Variants in CELF2 observed in about 807,000 individuals in gnomAD.
The protein encoded by CELF2 is CUGBP Elav-like family member 2.
In CELF2, 8 loss-of-function variants were observed where a neutral mutation model predicts 62.6. That is an observed-to-expected ratio of 0.13 (90% CI 0.07 to 0.23). The LOEUF is 0.23. Among genes scored for constraint, CELF2 ranks in the 10% least tolerant of loss-of-function variants. The pLI is 1.00. For missense variants in CELF2, 333 were observed against 671.0 expected, an observed-to-expected ratio of 0.50 and a Z score of 5.56; for synonymous variants, 258 against 250.0, an observed-to-expected ratio of 1.03 and a Z score of -0.30.
intron 2 of CELF2, among the ~76,000 whole-genome samples, chr10:11,168,742 C>CA (rs1395191821): frequency 6.6e-6 from 1 of 152,176 alleles, no homozygotes; most frequent in Non-Finnish European, 1.5e-5. Context: ...TTTTCCCCCT[C>CA]ACTTTCCATT....
rs869213973 is a variant in CELF2, at chr10:11,211,813, A to AGTGTGTGTGTGT, written c.272-5581_272-5570dup. On this transcript the variant is annotated intron_variant, in intron 2 of 12. Coordinates refer to ENST00000633077, the MANE Select transcript of CELF2 (RefSeq NM_001326342.2). This position sits in a 1 kb window ranked among gnomAD's most constrained non-coding sequence, Gnocchi z 4.8. ...GTGTGAGAGAGAGAGAGAGAGAGAG[A>AGTGTGTGTGTGT]GTGTGTGTGTGTGTGTGTGTGTGTG... 1.1e-5 allele frequency among the ~76,000 whole-genome samples: 1 copy of AGTGTGTGTGTGT among 89,256 alleles called. No homozygotes were observed. The highest frequency in any genetic ancestry group is 1.1e-4 in the Admixed American group (1 of 9,254). 58.6% of individuals were successfully genotyped at this position (89,256 alleles called of 152,430 possible).
chr10:10,835,257 TTTA>T (rs2058186499), intron 1 of CELF2, among the ~76,000 whole-genome samples: 3 of 152,094 alleles, frequency 2.0e-5, no homozygotes, highest in Non-Finnish European at 4.4e-5. Context: ...CTAGTTATTT[TTTA>T]TTATTATTTT....
At chr10:11,121,706 T>C (rs1276053194) in intron 1 of CELF2, among the ~76,000 whole-genome samples, 1 of 152,140 alleles carries the variant, frequency 6.6e-6, no homozygotes, top group Non-Finnish European at 1.5e-5. Flanking sequence ...TTTTTTTTGT[T>C]TTTTTTACTG....
At chr10:10,604,272 AC>A in the CELF2 span, among the ~76,000 whole-genome samples, 9 of 152,370 alleles carry the variant, frequency 5.9e-5, no homozygotes, top group African/African-American at 2.2e-4. Flanking sequence ...AGCTTAAGAT[AC>A]GATAGATTTC....
rs527634982 is a variant in CELF2, at chr10:11,255,055, G to A, written c.404-2683G>A. On this transcript the variant is annotated intron_variant, in intron 4 of 12. Coordinates refer to ENST00000633077, the MANE Select transcript of CELF2 (RefSeq NM_001326342.2). This position sits in a 1 kb window ranked among gnomAD's most constrained non-coding sequence, Gnocchi z 5.5. The stretch of plus-strand genomic sequence containing the variant: ...CAGCAGGTGGTGTGGACGGCCTGCA[G>A]GTACACTCGTTGCCCAGGGTATCTG... Among the ~76,000 whole-genome samples, 1 of 152,334 alleles carries A rather than the reference G, an allele frequency of 6.6e-6. No individual in the cohort carries two copies. The highest frequency in any genetic ancestry group is 2.1e-4 in the South Asian group (1 of 4,828).
At chr10:10,912,927 G>C (rs1434431387) in intron 1 of CELF2, among the ~76,000 whole-genome samples, 1 of 152,156 alleles carries the variant, frequency 6.6e-6, no homozygotes, top group Non-Finnish European at 1.5e-5. Flanking sequence ...ATGGTGTAGT[G>C]ATAGTAACTA....
the CELF2 span, among the ~76,000 whole-genome samples, chr10:10,512,190 C>A: frequency 6.6e-6 from 1 of 152,052 alleles, no homozygotes; most frequent in Admixed American, 6.6e-5. Context: ...AAATAGCATG[C>A]CTCCTCCTCA....
In CELF2 at chr10:10,972,130, C is replaced by T. The variant is rs541488714; in HGVS notation, c.89+52131C>T. On this transcript the variant is annotated intron_variant, in intron 2 of 13. Coordinates refer to the CELF2 transcript ENST00000636488. This position sits in a 1 kb window ranked among gnomAD's most constrained non-coding sequence, Gnocchi z 4.4. ...TGTTAAAATTTAGCCTTTATGGAGT[C>T]CTCATATACTGGATTTCTCTGTGGC... Among the ~76,000 whole-genome samples the T allele has an allele frequency of 7.2e-4, 110 of 152,154 alleles. No individual in the cohort carries two copies. The highest frequency in any genetic ancestry group is 3.4e-3 in the Middle Eastern group (1 of 294).
At chr10:11,304,170 T>C (rs1480047013) in intron 9 of CELF2, among the ~76,000 whole-genome samples, 1 of 152,134 alleles carries the variant, frequency 6.6e-6, no homozygotes, top group East Asian at 1.9e-4. Flanking sequence ...GTGTGTTCCT[T>C]CTGGAGGCTC....
intron 1 of CELF2, among the ~76,000 whole-genome samples, chr10:10,905,893 A>G (rs1172256853): frequency 1.3e-5 from 2 of 151,264 alleles, no homozygotes; most frequent in East Asian, 3.9e-4. Context: ...AGAAAAAAAA[A>G]AAAAGAAAAA....
At chr10:10,859,546 A>G (rs2059937752) in intron 1 of CELF2, among the ~76,000 whole-genome samples, 1 of 152,200 alleles carries the variant, frequency 6.6e-6, no homozygotes, top group African/African-American at 2.4e-5. Context: ...GAATTTTTCA[A>G]TTAATAGTAT....
In CELF2 at chr10:11,211,728, G is replaced by C. The variant is rs1257982511; in HGVS notation, c.272-5697G>C. On this transcript the variant is annotated intron_variant, in intron 2 of 12. Coordinates refer to ENST00000633077, the MANE Select transcript of CELF2 (RefSeq NM_001326342.2). The surrounding 1 kb of genome is among the most constrained non-coding windows in gnomAD (Gnocchi z 4.8). ...TTAAAGTCTTTCAGTACAGTTGAGT[G>C]TTTCTTTATGATTTTAAACACACTA... is the stretch of plus-strand genomic sequence containing the variant. Among the ~76,000 whole-genome samples the C allele has an allele frequency of 2.0e-5, 3 of 151,908 alleles. No individual in the cohort carries two copies. Among genetic ancestry groups the C allele is most frequent in the Admixed American group, 1.3e-4 (2 of 15,260 alleles).
chr10:10,810,954 A>C (rs1266425795), intron 1 of CELF2, among the ~76,000 whole-genome samples: 1 of 152,230 alleles, frequency 6.6e-6, no homozygotes, highest in Non-Finnish European at 1.5e-5. Flanking sequence ...AAACACTTGC[A>C]ACCCAGAAGG....
chr10:10,765,588 T>C, the CELF2 span, among the ~76,000 whole-genome samples: 1 of 152,114 alleles, frequency 6.6e-6, no homozygotes, highest in African/African-American at 2.4e-5. Flanking sequence ...AGTCACAGAG[T>C]GCCCCCTTCA....
chr10:11,155,372 A>G (rs79592567), intron 1 of CELF2, among the ~76,000 whole-genome samples: 11 of 152,240 alleles, frequency 7.2e-5, no homozygotes, highest in African/African-American at 2.2e-4. Context: ...TGCCCTCATC[A>G]TGACATGGGC....
chr10:11,248,041 C>G (rs1260323649), intron 3 of CELF2, among the ~76,000 whole-genome samples: 2 of 152,168 alleles, frequency 1.3e-5, no homozygotes, highest in African/African-American at 4.8e-5. Context: ...TTAGATAAAA[C>G]CCAGAGCTGT....
the CELF2 span, among the ~76,000 whole-genome samples, chr10:10,688,046 G>A: frequency 4.2e-4 from 64 of 152,274 alleles, no homozygotes; most frequent in African/African-American, 1.5e-3. Context: ...TATGATATTC[G>A]CGAACAAGTT....
the CELF2 span, among the ~76,000 whole-genome samples, chr10:10,767,684 G>T: frequency 6.6e-6 from 1 of 152,078 alleles, no homozygotes; most frequent in Admixed American, 6.6e-5. Flanking sequence ...CAACCCAACC[G>T]TGGGAAGTAA....
intron 2 of CELF2, among the ~76,000 whole-genome samples, chr10:11,215,898 T>C (rs1468605386): frequency 6.6e-6 from 1 of 152,196 alleles, no homozygotes; most frequent in African/African-American, 2.4e-5. Context: ...ATCACGCCAC[T>C]GAAGCTGAAC....
Sources: gnomAD v4.1 joint callset for allele counts (sites outside exome capture counted in the v4.1 genomes callset) on GRCh38, gnomAD v4.1.1 for gene constraint, Gnocchi (gnomAD v3.1) non-coding constraint, MANE v1.5 for transcripts, NCBI Gene and HGNC (gene_info 2026-07-23, HGNC 2026-07-21) for gene names.